Variants in CDYL observed in about 807,000 individuals in gnomAD.
CDYL encodes chromodomain Y like, also known as chromodomain Y-like protein.
A neutral mutation model predicts 47.3 loss-of-function variants in CDYL; 8 were observed. The observed-to-expected ratio is 0.17, with a 90% CI of 0.10 to 0.31. The LOEUF (loss-of-function observed/expected upper bound fraction) is 0.31, where lower values mean the gene tolerates loss of function less well. CDYL is among the 10% of genes least tolerant of loss of function. CDYL has a pLI of 1.00. For missense variants in CDYL, 471 were observed against 701.4 expected, an observed-to-expected ratio of 0.67 and a Z score of 3.71; for synonymous variants, 266 against 265.0, an observed-to-expected ratio of 1.00 and a Z score of -0.04.
chr6:4,746,272 G>A (rs1228668116), intron 3 of CDYL, among the ~76,000 whole-genome samples: 1 of 151,464 alleles, frequency 6.6e-6, no homozygotes, highest in African/African-American at 2.4e-5. Flanking sequence ...GCTGAGACAG[G>A]AGAATCACTT....
intron 3 of CDYL, among the ~76,000 whole-genome samples, chr6:4,759,869 A>G (rs1758143073): frequency 7.9e-6 from 1 of 126,630 alleles, no homozygotes; most frequent in Non-Finnish European, 1.6e-5. Flanking sequence ...ACAAGAGAGA[A>G]ACTCCATCTC....
chr6:4,943,873 C>T, intron 5 of CDYL, 117 bp downstream of exon 5: 1 of 742,518 alleles, frequency 1.3e-6, no homozygotes, highest in South Asian at 2.1e-5. Context: ...GGGGACTTTC[C>T]ATCTTGTAAT....
intron 1 of CDYL, among the ~76,000 whole-genome samples, chr6:4,876,951 G>A (rs1156612053): frequency 6.6e-6 from 1 of 152,212 alleles, no homozygotes; most frequent in African/African-American, 2.4e-5. Flanking sequence ...GCGCCACCAT[G>A]GGATCTGTGC....
chr6:4,761,654 A>G (rs1758177715), intron 3 of CDYL, among the ~76,000 whole-genome samples: 1 of 152,146 alleles, frequency 6.6e-6, no homozygotes, highest in African/African-American at 2.4e-5. Flanking sequence ...CTTTCCCCAG[A>G]ATTGTTAAAG....
chr6:4,734,714 G>C (rs1188919525), intron 2 of CDYL: 3 of 1,608,134 alleles, frequency 1.9e-6, no homozygotes, highest in Non-Finnish European at 2.5e-6. Flanking sequence ...GGATGGGGAA[G>C]AGGATGGGTC....
chr6:4,752,561 C>A (rs968115706), intron 3 of CDYL, among the ~76,000 whole-genome samples: 12 of 152,066 alleles, frequency 7.9e-5, no homozygotes, highest in African/African-American at 2.7e-4. Context: ...AAACGATTAC[C>A]CTGCCTCCTA....
intron 1 of CDYL, among the ~76,000 whole-genome samples, chr6:4,877,820 C>T (rs1483728918): frequency 6.6e-6 from 1 of 152,132 alleles, no homozygotes; most frequent in Non-Finnish European, 1.5e-5. Context: ...AAGTTTGTTG[C>T]CTTTCCTTGT....
At chr6:4,948,427 C>T (rs912389869) in intron 5 of CDYL, among the ~76,000 whole-genome samples, 3 of 152,164 alleles carry the variant, frequency 2.0e-5, no homozygotes, top group Admixed American at 6.5e-5. Flanking sequence ...TCTGGTCAGC[C>T]GTGTTTCTCC....
intron 4 of CDYL, among the ~76,000 whole-genome samples, chr6:4,938,080 C>T (rs1758252208): frequency 6.6e-6 from 1 of 152,180 alleles, no homozygotes. Flanking sequence ...ATTATTTGTG[C>T]CGTGAGTATG....
chr6:4,806,714 C>G (rs1329158015), intron 1 of CDYL, among the ~76,000 whole-genome samples: 6 of 152,162 alleles, frequency 3.9e-5, no homozygotes, highest in Non-Finnish European at 8.8e-5. Context: ...GTCTTTCCTT[C>G]GATGATCTGG....
chr6:4,819,266 A>G (rs1759766399), intron 1 of CDYL, among the ~76,000 whole-genome samples: 1 of 152,028 alleles, frequency 6.6e-6, no homozygotes, highest in Admixed American at 6.6e-5. Flanking sequence ...ATAAATCATT[A>G]AAGTCTTACT....
intron 2 of CDYL, among the ~76,000 whole-genome samples, chr6:4,726,394 G>C (rs1226870814): frequency 2.6e-5 from 4 of 152,070 alleles, no homozygotes; most frequent in Middle Eastern, 3.4e-3. Flanking sequence ...AATTAGCCAG[G>C]CGTGGTACGC....
intron 2 of CDYL, among the ~76,000 whole-genome samples, chr6:4,922,168 T>A (rs1323958396): frequency 6.6e-6 from 1 of 152,076 alleles, no homozygotes; most frequent in Non-Finnish European, 1.5e-5. Context: ...TTCAGGGGAT[T>A]ATGGCTTGGG....
chr6:4,813,725 T>G (rs983213234), intron 1 of CDYL, among the ~76,000 whole-genome samples: 2 of 152,208 alleles, frequency 1.3e-5, no homozygotes, highest in African/African-American at 4.8e-5. Context: ...TGCCTCAAGT[T>G]TCTATCTCAG....
At chr6:4,743,746 G>A (rs1330186119) in intron 3 of CDYL, among the ~76,000 whole-genome samples, 1 of 152,118 alleles carries the variant, frequency 6.6e-6, no homozygotes, top group East Asian at 1.9e-4. Context: ...TTAGGATAAG[G>A]TTTAGTTGCA....
intron 3 of CDYL, among the ~76,000 whole-genome samples, chr6:4,762,650 A>C (rs1222024637): frequency 8.9e-6 from 1 of 112,320 alleles, no homozygotes; most frequent in African/African-American, 4.0e-5. Context: ...GGTACCAAAA[A>C]AAAAAAAAAA....
At chr6:4,731,757 G>T (rs765491037) in intron 2 of CDYL, among the ~76,000 whole-genome samples, 6 of 151,812 alleles carry the variant, frequency 4.0e-5, no homozygotes, top group East Asian at 1.9e-4. Context: ...CGAGATGCAG[G>T]TTGCAGTGAG....
chr6:4,944,571 A>G (rs1758456944), intron 5 of CDYL, among the ~76,000 whole-genome samples: 1 of 152,184 alleles, frequency 6.6e-6, no homozygotes, highest in Non-Finnish European at 1.5e-5. Context: ...GCACAGTTCC[A>G]TGTCCACCAC....
intron 1 of CDYL, among the ~76,000 whole-genome samples, chr6:4,868,163 G>A (rs568351375): frequency 2.0e-5 from 3 of 151,344 alleles, no homozygotes; most frequent in South Asian, 2.1e-4. Flanking sequence ...GGCTGAATTC[G>A]CCCTTCTGTT....
Sources: allele counts gnomAD v4.1 joint callset (sites outside exome capture counted in the v4.1 genomes callset), GRCh38; gene constraint gnomAD v4.1.1; transcripts MANE v1.5; gene names NCBI Gene and HGNC (gene_info 2026-07-23, HGNC 2026-07-21).